The following ABHD5 variants were observed in gnomAD, a reference collection of about 807,000 sequenced individuals.
ABHD5 encodes abhydrolase domain containing 5, lysophosphatidic acid acyltransferase.
ABHD5 carries 30 observed loss-of-function variants against 44.9 expected under a neutral mutation model. That is an observed-to-expected ratio of 0.67 (90% CI 0.50 to 0.91). The LOEUF is 0.91. Ranked by LOEUF, ABHD5 falls within the 40% of genes least tolerant of loss-of-function variation. The pLI is 0.00. For missense variants in ABHD5, 399 were observed against 423.4 expected (o/e 0.94, Z 0.50); for synonymous variants, 167 against 147.0 (o/e 1.14, Z -0.99).
chr3:43,706,992 A>G (rs898121798), intron 3 of ABHD5, among the ~76,000 whole-genome samples: 1 of 152,222 alleles, frequency 6.6e-6, no homozygotes, highest in Non-Finnish European at 1.5e-5. Context: ...GAGAAGAATG[A>G]AAAGGCCTAG....
chr3:43,734,100 T>G (rs1697295291), exon 8 of ABHD5: 1 of 152,374 alleles, frequency 6.6e-6, no homozygotes, highest in African/African-American at 2.4e-5. Context: ...GCCTTGGTGC[T>G]CTTTACGGTG....
At chr3:43,717,966 AC>A in intron 6 of ABHD5, 109 bp downstream of exon 6, 2 of 1,424,866 alleles carry the variant, frequency 1.4e-6, no homozygotes, top group Non-Finnish European at 9.8e-7. Context: ...TCTGAGCCAT[AC>A]CTGCAGCCTC....
chr3:43,713,586 T>C (rs981936906), intron 4 of ABHD5, among the ~76,000 whole-genome samples: 1 of 152,098 alleles, frequency 6.6e-6, no homozygotes, highest in African/African-American at 2.4e-5. Flanking sequence ...GCTTCAGTGC[T>C]CACAGATGGC....
intron 2 of ABHD5, among the ~76,000 whole-genome samples, chr3:43,700,630 G>A (rs914943453): frequency 6.6e-6 from 1 of 151,244 alleles, no homozygotes; most frequent in Non-Finnish European, 1.5e-5. Flanking sequence ...CTGGAGTGCA[G>A]TGGCACAATC....
intron 3 of ABHD5, among the ~76,000 whole-genome samples, chr3:43,706,874 G>A (rs1025165882): frequency 2.6e-5 from 4 of 152,068 alleles, no homozygotes; most frequent in Admixed American, 1.3e-4. Context: ...CAAAAACAAC[G>A]TTGTTTTATT....
At chr3:43,691,090 C>G in intron 1 of ABHD5, 51 bp downstream of exon 1, 1 of 1,497,302 alleles carries the variant, frequency 6.7e-7, no homozygotes, top group African/African-American at 1.4e-5. Context: ...GCACCCTCCG[C>G]GCGGGCCGGG....
chr3:43,694,976 TG>T, intron 1 of ABHD5: 1 of 153,198 alleles, frequency 6.5e-6, no homozygotes, highest in South Asian at 2.0e-4. Context: ...CTCAACCTCC[TG>T]GGCTCAAGCA....
chr3:43,704,456 G>A (rs1027099724), intron 3 of ABHD5, among the ~76,000 whole-genome samples: 12 of 152,234 alleles, frequency 7.9e-5, no homozygotes, highest in African/African-American at 2.9e-4. Context: ...ATTTGTGGGA[G>A]TTGAACTTCC....
chr3:43,691,416 G>C (rs1452087435), intron 1 of ABHD5: 3 of 170,618 alleles, frequency 1.8e-5, no homozygotes, highest in Admixed American at 6.3e-5. Context: ...CCCCAATGCC[G>C]CCGGCGGGCG....
chr3:43,728,974 T>C (rs2084896339), intron 7 of ABHD5, among the ~76,000 whole-genome samples: 1 of 152,204 alleles, frequency 6.6e-6, no homozygotes, highest in South Asian at 2.1e-4. Context: ...AGTAAGGATT[T>C]CCTGGTTTCT....
chr3:43,717,547 T>A, intron 5 of ABHD5, 124 bp from the exon 6 acceptor site: 1 of 968,298 alleles, frequency 1.0e-6, no homozygotes, highest in Non-Finnish European at 1.6e-6. Flanking sequence ...TATTTTCTAT[T>A]TAAGCTGAGG....
intron 6 of ABHD5, among the ~76,000 whole-genome samples, 172 bp from the exon 7 acceptor site, chr3:43,718,271 C>A (rs1232971495): frequency 6.6e-6 from 1 of 152,082 alleles, no homozygotes; most frequent in Non-Finnish European, 1.5e-5. Context: ...TTCTCAGATC[C>A]TTTTAATGGA....
intron 3 of ABHD5, among the ~76,000 whole-genome samples, chr3:43,707,277 T>G (rs1206461659): frequency 6.6e-6 from 1 of 152,244 alleles, no homozygotes; most frequent in Non-Finnish European, 1.5e-5. Context: ...TAGATTAGAA[T>G]AAGTTTTCAC....
chr3:43,699,197 T>A (rs930467405), intron 1 of ABHD5, 79 bp from the exon 2 acceptor site: 1 of 1,285,522 alleles, frequency 7.8e-7, no homozygotes, highest in East Asian at 2.3e-5. Flanking sequence ...CTGTGCTGCC[T>A]TTCTTCTGTG....
intron 4 of ABHD5, among the ~76,000 whole-genome samples, chr3:43,714,063 G>T (rs1220591083): frequency 6.6e-6 from 1 of 151,750 alleles, no homozygotes; most frequent in African/African-American, 2.4e-5. Context: ...GAAAGCTTCT[G>T]CTCTTCATCC....
At chr3:43,723,865 T>C (rs2084860288), downstream of ABHD5, among the ~76,000 whole-genome samples, 1 of 152,196 alleles carries the variant, frequency 6.6e-6, no homozygotes, top group Non-Finnish European at 1.5e-5. Context: ...GAGTTTATAA[T>C]GGACTGGGTA....
In ABHD5 at chr3:43,722,135, T is replaced by A. The variant is rs1440914998; in HGVS notation, c.*3603T>A. On this transcript the variant is annotated 3_prime_UTR_variant, in exon 7 of 7. Transcript: ENST00000644371. Reference sequence around the variant, plus strand: ...ATGAAATAGTATATGCACAAAGATCTTGATTACAGCACTGTTTCTAATAGC... The same window carrying A: ...ATGAAATAGTATATGCACAAAGATCATGATTACAGCACTGTTTCTAATAGC... 1 of 152,232 alleles carries A rather than the reference T, an allele frequency of 6.6e-6. No homozygotes were observed. Among genetic ancestry groups the A allele is most frequent in the Non-Finnish European group, 1.5e-5 (1 of 68,046 alleles). 9.4% of individuals were successfully genotyped at this position (152,232 alleles called of 1,614,324 possible).
chr3:43,730,868 G>C (rs185321747), intron 7 of ABHD5, among the ~76,000 whole-genome samples: 113 of 151,556 alleles, frequency 7.5e-4, no homozygotes, highest in African/African-American at 2.6e-3. Flanking sequence ...TCGATCTGTT[G>C]CCCAGGCTGG....
chr3:43,708,170 C>T (rs2084645922), intron 3 of ABHD5, among the ~76,000 whole-genome samples: 1 of 152,174 alleles, frequency 6.6e-6, no homozygotes, highest in Non-Finnish European at 1.5e-5. Flanking sequence ...AACTGATGAG[C>T]TGTTCTGTTG....
Sources: allele counts gnomAD v4.1 joint callset (sites outside exome capture counted in the v4.1 genomes callset), GRCh38; gene constraint gnomAD v4.1.1; transcripts MANE v1.5; gene names NCBI Gene and HGNC (gene_info 2026-07-23, HGNC 2026-07-21).